The following CDC123 variants were observed in gnomAD, a reference collection of about 807,000 sequenced individuals.
CDC123 encodes translation initiation factor eIF2 assembly protein.
Under a neutral mutation model 54.4 loss-of-function variants are expected in CDC123, and 37 were observed. That is an observed-to-expected ratio of 0.68 (90% confidence interval 0.52 to 0.89). The LOEUF (loss-of-function observed/expected upper bound fraction) is 0.89. Among genes scored for constraint, CDC123 ranks in the 40% least tolerant of loss-of-function variants. CDC123 has a pLI of 0.00. For missense variants in CDC123, 361 were observed against 412.1 expected (o/e 0.88, Z 1.07); for synonymous variants, 144 against 136.8 (o/e 1.05, Z -0.37).
intron 6 of CDC123, among the ~76,000 whole-genome samples, chr10:12,220,134 A>C (rs757887539): frequency 2.0e-4 from 30 of 152,170 alleles, no homozygotes; most frequent in Admixed American, 1.3e-4. Flanking sequence ...CCTGGCCCTT[A>C]TAAGGATTTT....
chr10:12,228,440 C>G (rs1205379551), intron 6 of CDC123, among the ~76,000 whole-genome samples: 3 of 150,034 alleles, frequency 2.0e-5, no homozygotes, highest in African/African-American at 4.9e-5. Context: ...GTGTCTTACT[C>G]GGTCACCCAG....
chr10:12,219,797 G>C (rs1415767484), intron 6 of CDC123, among the ~76,000 whole-genome samples: 1 of 150,518 alleles, frequency 6.6e-6, no homozygotes, highest in East Asian at 1.9e-4. Context: ...CAGTTCTTCT[G>C]CCTCAGCCTC....
At chr10:12,221,773 AT>A (rs1322765258) in intron 6 of CDC123, among the ~76,000 whole-genome samples, 2 of 149,252 alleles carry the variant, frequency 1.3e-5, no homozygotes, top group Non-Finnish European at 3.0e-5. Context: ...TTTTATTAAA[AT>A]TTATTTATTT....
intron 1 of CDC123, 117 bp from the exon 2 acceptor site, chr10:12,198,588 A>G (rs1423827281): frequency 2.9e-6 from 2 of 681,678 alleles, no homozygotes; most frequent in Middle Eastern, 3.5e-4. Context: ...CATCATTAAC[A>G]TTTTCTACTT....
At chr10:12,248,981 C>T (rs997985488) in intron 11 of CDC123, among the ~76,000 whole-genome samples, 10 of 151,714 alleles carry the variant, frequency 6.6e-5, no homozygotes, top group Admixed American at 1.3e-4. Context: ...CGTGGTGACG[C>T]GCGCCTGTAG....
intron 10 of CDC123, among the ~76,000 whole-genome samples, chr10:12,240,705 G>T (rs149994298): frequency 6.6e-6 from 1 of 152,094 alleles, no homozygotes; most frequent in Non-Finnish European, 1.5e-5. Flanking sequence ...ATGAGACCTC[G>T]TCTCTACATA....
chr10:12,199,573 A>T (rs184976995), intron 2 of CDC123, among the ~76,000 whole-genome samples: 5 of 152,216 alleles, frequency 3.3e-5, no homozygotes, highest in African/African-American at 4.8e-5. Flanking sequence ...CATTTGTTGG[A>T]TGAAGGAACT....
intron 9 of CDC123, chr10:12,237,524 C>A (rs1259359633): frequency 5.4e-6 from 1 of 184,864 alleles, no homozygotes; most frequent in Non-Finnish European, 1.1e-5. Context: ...GCTTCCACCT[C>A]CCGGGTTCAG....
intron 10 of CDC123, 66 bp from the exon 11 acceptor site, chr10:12,246,083 G>C: frequency 6.5e-7 from 1 of 1,543,238 alleles, no homozygotes; most frequent in Non-Finnish European, 8.8e-7. Context: ...ATAAAAAAGT[G>C]TTTCTTTCTC....
At chr10:12,201,736 G>A (rs777594053) in intron 2 of CDC123, among the ~76,000 whole-genome samples, 3 of 152,200 alleles carry the variant, frequency 2.0e-5, no homozygotes, top group Admixed American at 6.5e-5. Context: ...AGGGCTCTGA[G>A]CAAGAGAATG....
At chr10:12,245,113 G>A (rs936169332) in intron 10 of CDC123, 8 of 152,304 alleles carry the variant, frequency 5.3e-5, no homozygotes, top group African/African-American at 1.9e-4. Context: ...AGTCAGAAGC[G>A]CTGCTCTCTG....
chr10:12,201,373 C>G (rs539683892), intron 2 of CDC123, among the ~76,000 whole-genome samples: 2 of 152,068 alleles, frequency 1.3e-5, no homozygotes, highest in Non-Finnish European at 2.9e-5. Context: ...GGTCATTACC[C>G]TTAAATTGCT....
At chr10:12,230,909 A>G (rs776791466) in intron 6 of CDC123, 39 bp from the exon 7 acceptor site, 1 of 1,596,838 alleles carries the variant, frequency 6.3e-7, no homozygotes. Context: ...TGGCACCAGT[A>G]ACAAAAAGAT....
rs1208556032 is a variant in CDC123 at position 12,196,231 on chromosome 10, G to A, written c.-15G>A. 9 of 1,613,766 alleles carry A rather than the reference G, an allele frequency of 5.6e-6. No individual in the cohort carries two copies. The East Asian group carries it at 6.7e-5, about 12-fold the overall frequency. On this transcript the variant is annotated 5_prime_UTR_variant, in exon 1 of 13. Transcript: ENST00000281141. ...AGGCAGGAGAGGGAAAGGCAGCAGC[G>A]GCGGCAGCTGGAGGATGAAGAAGGA...
chr10:12,215,873 T>G (rs777433878), intron 5 of CDC123, 38 bp downstream of exon 5: 1 of 1,350,708 alleles, frequency 7.4e-7, no homozygotes, highest in South Asian at 1.3e-5. Flanking sequence ...TGTTTGAATA[T>G]TCTTTGTTTT....
chr10:12,234,198 G>C (rs762306923), intron 7 of CDC123, among the ~76,000 whole-genome samples: 7 of 152,300 alleles, frequency 4.6e-5, no homozygotes, highest in African/African-American at 1.7e-4. Context: ...GGGTTCAAGC[G>C]ATTCTCCTGC....
rs750697075 is a variant in CDC123, at chr10:12,250,477, C to G, written c.*140C>G. 4 of 727,486 alleles carry G rather than the reference C, an allele frequency of 5.5e-6. No individual in the cohort carries two copies. Among genetic ancestry groups the G allele is most frequent in the African/African-American group, 5.2e-5 (3 of 57,206 alleles). 45.1% of individuals were successfully genotyped at this position (727,486 alleles called of 1,614,324 possible). On this transcript the variant is annotated 3_prime_UTR_variant, in exon 13 of 13. Coordinates refer to ENST00000281141, the MANE Select transcript of CDC123 (RefSeq NM_006023.3). ...GCCACTTTTTATATTCATGTACATT[C>G]ACCTGGGGAAAAAAACGGAGGGACT...
At chr10:12,249,505 A>G (rs1836208945) in intron 11 of CDC123, 76 bp from the exon 12 acceptor site, 3 of 1,410,906 alleles carry the variant, frequency 2.1e-6, no homozygotes, top group Non-Finnish European at 2.0e-6. Context: ...TTGTTTTGCT[A>G]GGTTCTTTTT....
Position 12,227,317 on chromosome 10 carries a change from C to T in CDC123, c.441-3631C>T, listed in dbSNP as rs2131750251. Among the ~76,000 whole-genome samples, 2 of 151,868 alleles carry T rather than the reference C, an allele frequency of 1.3e-5. 1 individual carries two copies. Among genetic ancestry groups the T allele is most frequent in the East Asian group, 3.9e-4 (2 of 5,142 alleles). ...GGAGGGGGAGGGGAGGAATAATTGA[C>T]TTTTCTAAGACCATAAAATACTAGT... is the stretch of plus-strand genomic sequence containing the variant. On this transcript the variant is annotated intron_variant, in intron 6 of 12. Transcript: ENST00000281141.
Sources: allele counts gnomAD v4.1 joint callset (sites outside exome capture counted in the v4.1 genomes callset), GRCh38; gene constraint gnomAD v4.1.1; transcripts MANE v1.5; gene names NCBI Gene and HGNC (gene_info 2026-07-23, HGNC 2026-07-21).